RBFOX1: variants seen among roughly 807,000 people sequenced by gnomAD.
RBFOX1 encodes the protein RNA binding fox-1 homolog 1.
Under a neutral mutation model 57.7 loss-of-function variants are expected in RBFOX1, and 8 were observed. The observed-to-expected ratio is 0.14, with a 90% CI of 0.08 to 0.25. The LOEUF (loss-of-function observed/expected upper bound fraction) is 0.25, where lower values mean the gene tolerates loss of function less well. RBFOX1 is among the 10% of genes least tolerant of loss of function. The pLI, the probability that RBFOX1 is intolerant of heterozygous loss-of-function variation, is 1.00. For synonymous variants in RBFOX1, 326 were observed against 222.4 expected (o/e 1.47, Z -4.15); for missense variants, 611 against 548.5 (o/e 1.11, Z -1.14).
At chr16:6,376,277 G>A (rs1292498517) in intron 2 of RBFOX1, among the ~76,000 whole-genome samples, 1 of 146,326 alleles carries the variant, frequency 6.8e-6, no homozygotes, top group Non-Finnish European at 1.5e-5. Flanking sequence ...GGTGTGTTGT[G>A]TTGGGTTTTG....
intron 3 of RBFOX1, among the ~76,000 whole-genome samples, chr16:5,678,571 A>G (rs1019491557): frequency 3.0e-4 from 45 of 152,088 alleles, no homozygotes; most frequent in African/African-American, 1.0e-3. Flanking sequence ...ATGGTGCTGG[A>G]TGGTTACGTG....
chr16:5,318,050 G>C (rs761541650), intron 1 of RBFOX1, among the ~76,000 whole-genome samples: 26 of 152,168 alleles, frequency 1.7e-4, no homozygotes, highest in Non-Finnish European at 2.6e-4. Context: ...GCATGGAAGT[G>C]AAAGAGTGGA....
intron 4 of RBFOX1, among the ~76,000 whole-genome samples, chr16:7,257,735 G>C (rs1342413248): frequency 6.6e-6 from 1 of 152,168 alleles, no homozygotes; most frequent in African/African-American, 2.4e-5. Flanking sequence ...CATAGATGTT[G>C]CCTGTGTTAG....
chr16:7,241,172 T>C (rs533304861), intron 4 of RBFOX1, among the ~76,000 whole-genome samples: 157 of 152,324 alleles, frequency 1.0e-3, no homozygotes, highest in African/African-American at 3.7e-3. Flanking sequence ...CACTGGAGGA[T>C]TGATTATTCA....
intron 4 of RBFOX1, among the ~76,000 whole-genome samples, chr16:7,185,744 G>A (rs941086222): frequency 2.0e-5 from 3 of 152,144 alleles, no homozygotes; most frequent in African/African-American, 4.8e-5. Flanking sequence ...CATAAATGTC[G>A]AGATATTGAA....
chr16:6,096,693 T>A (rs542561447), intron 1 of RBFOX1, among the ~76,000 whole-genome samples: 1 of 152,350 alleles, frequency 6.6e-6, no homozygotes, highest in East Asian at 1.9e-4. Context: ...TTTAAAACTC[T>A]AACCATTGGT....
intron 1 of RBFOX1, among the ~76,000 whole-genome samples, chr16:5,412,876 C>G (rs1281202959): frequency 1.3e-5 from 2 of 152,168 alleles, no homozygotes; most frequent in Non-Finnish European, 2.9e-5. Context: ...CAACTGTGAG[C>G]AAATGCTGGA....
intron 2 of RBFOX1, among the ~76,000 whole-genome samples, chr16:6,576,726 A>G (rs1023827684): frequency 6.6e-6 from 1 of 152,196 alleles, no homozygotes; most frequent in East Asian, 1.9e-4. Flanking sequence ...AAAAGAGGCA[A>G]TAATTTTTTA....
At chr16:6,855,352 G>T (rs2057642475) in intron 3 of RBFOX1, among the ~76,000 whole-genome samples, 1 of 151,942 alleles carries the variant, frequency 6.6e-6, no homozygotes, top group Non-Finnish European at 1.5e-5. Context: ...ACACAAAACA[G>T]AAATAAGAAG....
intron 4 of RBFOX1, among the ~76,000 whole-genome samples, chr16:7,345,396 G>A (rs1433828432): frequency 6.6e-6 from 1 of 152,164 alleles, no homozygotes; most frequent in African/African-American, 2.4e-5. Context: ...AGGCTGTTCG[G>A]GCAGCCCTGT....
chr16:6,032,535 C>T (rs971913081), intron 1 of RBFOX1, among the ~76,000 whole-genome samples: 1 of 152,136 alleles, frequency 6.6e-6, no homozygotes, highest in Non-Finnish European at 1.5e-5. Context: ...ACTGGGGAAT[C>T]ATCATTTTGG....
intron 2 of RBFOX1, among the ~76,000 whole-genome samples, chr16:6,646,480 C>T (rs1348681635): frequency 6.6e-6 from 1 of 151,980 alleles, no homozygotes; most frequent in African/African-American, 2.4e-5. Flanking sequence ...TTGCGTGGGT[C>T]CTCGGTGGCA....
intron 1 of RBFOX1, chr16:6,059,112 T>C (rs1035998601): frequency 2.0e-4 from 30 of 152,204 alleles, no homozygotes; most frequent in Admixed American, 6.5e-5. Flanking sequence ...ATAATTTGCA[T>C]ATATAGGGTT....
At chr16:7,177,117 G>A (rs1003417259) in intron 4 of RBFOX1, among the ~76,000 whole-genome samples, 3 of 152,178 alleles carry the variant, frequency 2.0e-5, no homozygotes, top group African/African-American at 7.2e-5. Flanking sequence ...TAGTATTGTA[G>A]AACTGTGCAA....
chr16:6,647,342 T>A (rs12325634), intron 2 of RBFOX1, among the ~76,000 whole-genome samples: 81,153 of 152,088 alleles, frequency 0.53, 22,095 homozygotes, highest in Admixed American at 0.67. Flanking sequence ...GCCTCCTGGG[T>A]TGAAATGATT....
chr16:7,050,048 G>T (rs1007430871), intron 3 of RBFOX1, among the ~76,000 whole-genome samples: 1 of 151,782 alleles, frequency 6.6e-6, no homozygotes, highest in African/African-American at 2.4e-5. Context: ...CATTTAATTT[G>T]TTCTCTGTCT....
At chr16:6,829,501 A>G (rs1324224954) in intron 3 of RBFOX1, among the ~76,000 whole-genome samples, 3 of 152,028 alleles carry the variant, frequency 2.0e-5, no homozygotes, top group African/African-American at 7.2e-5. Context: ...AAAAACAAAA[A>G]AACGTTAACT....
intron 1 of RBFOX1, among the ~76,000 whole-genome samples, chr16:5,438,647 G>A (rs956927436): frequency 2.0e-5 from 3 of 152,092 alleles, no homozygotes; most frequent in African/African-American, 7.2e-5. Context: ...GGAAGTATAC[G>A]AAAAATCAAT....
chr16:7,220,643 C>G (rs1181415029), intron 4 of RBFOX1, among the ~76,000 whole-genome samples: 4 of 152,156 alleles, frequency 2.6e-5, no homozygotes, highest in African/African-American at 4.8e-5. Flanking sequence ...GTTACCTGGA[C>G]TTTTGAATTA....
Sources: gnomAD v4.1 joint callset for allele counts (sites outside exome capture counted in the v4.1 genomes callset) on GRCh38, gnomAD v4.1.1 for gene constraint, MANE v1.5 for transcripts, NCBI Gene and HGNC (gene_info 2026-07-23, HGNC 2026-07-21) for gene names.